The following XKR4 variants were observed in gnomAD, a reference collection of about 807,000 sequenced individuals.
XKR4 encodes XK related 4, also known as XK-related protein 4.
In XKR4, 12 loss-of-function variants were observed where a neutral mutation model predicts 53.9. The ratio of observed to expected loss-of-function variants is 0.22; its 90% CI spans 0.14 to 0.36. The LOEUF is 0.36. XKR4 is among the 10% of genes least tolerant of loss of function. XKR4 has a pLI of 1.00. For synonymous variants in XKR4, 354 were observed against 362.4 expected (o/e 0.98, Z 0.26); for missense variants, 799 against 859.5 (o/e 0.93, Z 0.88).
intron 2 of XKR4, among the ~76,000 whole-genome samples, chr8:55,463,698 G>C (rs1197163882): frequency 6.6e-6 from 1 of 151,968 alleles, no homozygotes; most frequent in Non-Finnish European, 1.5e-5. Context: ...CTGGTTTTTT[G>C]AAAAGATCAA....
chr8:55,425,076 A>G (rs1413900003), intron 2 of XKR4, among the ~76,000 whole-genome samples: 2 of 152,196 alleles, frequency 1.3e-5, no homozygotes, highest in African/African-American at 4.8e-5. Flanking sequence ...GAGCACACTC[A>G]GTTTGCCCCA....
At chr8:55,452,032 A>T in intron 2 of XKR4, 1 of 757,502 alleles carries the variant, frequency 1.3e-6, no homozygotes, top group South Asian at 1.4e-5. Context: ...AGGTTCCAGG[A>T]CAGGGTTCTG....
intron 2 of XKR4, among the ~76,000 whole-genome samples, chr8:55,501,345 C>T (rs1806432458): frequency 6.6e-6 from 1 of 152,102 alleles, no homozygotes; most frequent in African/African-American, 2.4e-5. Flanking sequence ...GTGTACGGTT[C>T]AATGGCATTG....
intron 1 of XKR4, chr8:55,164,232 G>A (rs941080184): frequency 6.6e-6 from 3 of 456,376 alleles, no homozygotes; most frequent in African/African-American, 6.0e-5. Flanking sequence ...AATTCTGTCG[G>A]CATTGAGACC....
chr8:55,344,977 C>T (rs1233151890), intron 1 of XKR4, among the ~76,000 whole-genome samples: 1 of 152,184 alleles, frequency 6.6e-6, no homozygotes, highest in East Asian at 1.9e-4. Context: ...AGACCAGGTG[C>T]AGTGGCTTAT....
chr8:55,513,081 T>C (rs888247112), intron 2 of XKR4, among the ~76,000 whole-genome samples: 23 of 152,166 alleles, frequency 1.5e-4, no homozygotes, highest in African/African-American at 5.3e-4. Flanking sequence ...CTGGTCCCAG[T>C]GTGAGGCAGT....
Position 55,343,453 on chromosome 8 carries a change from G to A in XKR4, c.807-14225G>A, listed in dbSNP as rs534287392. On this transcript the variant is annotated intron_variant, in intron 1 of 2. Transcript: ENST00000327381. ...CAGATGCTTTCCTCCTATTGAATTG[G>A]TCTCACAGCCTCTGAAATGTTGGCC... Among the ~76,000 whole-genome samples, 12 of 152,200 alleles carry A rather than the reference G, an allele frequency of 7.9e-5. No individual in the cohort carries two copies. The East Asian group carries it at 1.7e-3, about 22-fold the overall frequency.
At chr8:55,312,853 T>C (rs1468338557) in intron 1 of XKR4, among the ~76,000 whole-genome samples, 1 of 152,230 alleles carries the variant, frequency 6.6e-6, no homozygotes, top group African/African-American at 2.4e-5. Flanking sequence ...TATTCATAGA[T>C]GGCGTCAAGA....
At chr8:55,386,184 A>G (rs1424612287) in intron 2 of XKR4, among the ~76,000 whole-genome samples, 2 of 152,148 alleles carry the variant, frequency 1.3e-5, no homozygotes, top group African/African-American at 4.8e-5. Context: ...ATTTAGTAAT[A>G]TTCACATCCT....
intron 2 of XKR4, among the ~76,000 whole-genome samples, chr8:55,500,363 C>G (rs1043143972): frequency 1.4e-4 from 22 of 152,108 alleles, no homozygotes; most frequent in African/African-American, 5.3e-4. Flanking sequence ...TCCAGATGAC[C>G]TATTTTTCTC....
chr8:55,354,224 G>A (rs114093145), intron 1 of XKR4, among the ~76,000 whole-genome samples: 239 of 152,344 alleles, frequency 1.6e-3, no homozygotes, highest in African/African-American at 5.5e-3. Context: ...CAAGCTCAGA[G>A]TAGGAGGAGA....
chr8:55,393,690 G>T (rs143337478), intron 2 of XKR4, among the ~76,000 whole-genome samples: 7 of 152,326 alleles, frequency 4.6e-5, no homozygotes, highest in African/African-American at 1.7e-4. Context: ...TGGCAAGGAA[G>T]TTAGGGCCAG....
intron 2 of XKR4, among the ~76,000 whole-genome samples, chr8:55,380,076 A>T (rs1271347167): frequency 6.6e-6 from 1 of 152,232 alleles, no homozygotes; most frequent in Non-Finnish European, 1.5e-5. Flanking sequence ...TTAAACACAC[A>T]GTCCCGTGGC....
intron 1 of XKR4, among the ~76,000 whole-genome samples, chr8:55,126,804 A>G (rs569141310): frequency 2.0e-5 from 3 of 152,250 alleles, no homozygotes; most frequent in Non-Finnish European, 4.4e-5. Flanking sequence ...GCATGTATCA[A>G]TCAAGTGCTT....
At chr8:55,322,673 G>C (rs1803232329) in intron 1 of XKR4, among the ~76,000 whole-genome samples, 1 of 152,200 alleles carries the variant, frequency 6.6e-6, no homozygotes, top group East Asian at 1.9e-4. Flanking sequence ...TTACCAGTCA[G>C]ATGAGTATAG....
chr8:55,462,332 AG>A (rs1225448549), intron 2 of XKR4, among the ~76,000 whole-genome samples: 8 of 152,214 alleles, frequency 5.3e-5, no homozygotes, highest in African/African-American at 1.7e-4. Flanking sequence ...ACATTCTTAA[AG>A]AAAAGAATTT....
chr8:55,523,346 C>T lies in XKR4; in HGVS notation c.1072C>T (p.Arg358Trp), dbSNP rs1323600325. 13 of 1,613,974 alleles carry T rather than the reference C, an allele frequency of 8.1e-6. No individual in the cohort carries two copies. Among genetic ancestry groups the T allele is most frequent in the African/African-American group, 6.7e-5 (5 of 74,910 alleles). Reference protein sequence around the residue: ...WALASYQKALRDSRDDKKPIS... With the variant: ...WALASYQKALWDSRDDKKPIS... ...CTTGGCCTCCTACCAGAAGGCCCTC[C>T]GGGACTCTCGAGATGACAAGAAGCC... Residue 358 changes from arginine (R) to tryptophan (W), a missense_variant, in exon 3 of 3, where the codon CGG (arginine) becomes TGG (tryptophan). By Grantham distance (101) the Arg-to-Trp change is moderately radical. This residue lies in a region of XKR4 where 476 missense variants were observed against 505.4 expected (regional missense o/e 0.94). Transcript: ENST00000327381.
chr8:55,287,343 A>G (rs974212482), intron 1 of XKR4, among the ~76,000 whole-genome samples: 6 of 152,236 alleles, frequency 3.9e-5, no homozygotes, highest in South Asian at 2.1e-4. Flanking sequence ...ACTCAAGATC[A>G]TATTTAGAAA....
At chr8:55,392,446 A>C (rs1804456674) in intron 2 of XKR4, among the ~76,000 whole-genome samples, 2 of 152,252 alleles carry the variant, frequency 1.3e-5, no homozygotes, top group South Asian at 4.1e-4. Context: ...TAATTAATTG[A>C]CTGGAACACA....
Sources: allele counts gnomAD v4.1 joint callset (sites outside exome capture counted in the v4.1 genomes callset), GRCh38; gene constraint gnomAD v4.1.1; regional missense constraint gnomAD v4.1.1; transcripts MANE v1.5; gene names NCBI Gene and HGNC (gene_info 2026-07-23, HGNC 2026-07-21).